DLG2: variants seen among roughly 807,000 people sequenced by gnomAD.
DLG2 encodes discs large MAGUK scaffold protein 2.
Under a neutral mutation model 132.5 loss-of-function variants are expected in DLG2, and 45 were observed. The observed-to-expected ratio is 0.34, with a 90% CI of 0.27 to 0.44. The LOEUF is 0.44. Ranked by LOEUF, DLG2 falls within the 20% of genes least tolerant of loss-of-function variation. The probability of loss-of-function intolerance (pLI) is 1.00; values close to 1 mark genes in which losing one functional copy is unlikely to be tolerated. For synonymous variants in DLG2, 424 were observed against 419.6 expected, an observed-to-expected ratio of 1.01 and a Z score of -0.13; for missense variants, 1,045 against 1,196.9, an observed-to-expected ratio of 0.87 and a Z score of 1.87.
intron 6 of DLG2, among the ~76,000 whole-genome samples, chr11:84,860,151 C>T (rs2083418503): frequency 6.6e-6 from 1 of 152,114 alleles, no homozygotes; most frequent in African/African-American, 2.4e-5. Flanking sequence ...AAATTTCAAC[C>T]TCTTCGACTT....
At chr11:85,070,526 T>C (rs1459410763) in intron 6 of DLG2, among the ~76,000 whole-genome samples, 2 of 151,732 alleles carry the variant, frequency 1.3e-5, no homozygotes, top group African/African-American at 2.4e-5. Context: ...CAATGCACAA[T>C]ATATTCATGT....
At chr11:83,833,481 C>T (rs2055182033) in intron 17 of DLG2, 133 bp downstream of exon 17, 1 of 919,106 alleles carries the variant, frequency 1.1e-6, no homozygotes, top group Non-Finnish European at 1.6e-6. Context: ...TTGTGACATG[C>T]ACCAGAAGTC....
chr11:83,667,320 G>C (rs1157647818), intron 18 of DLG2, among the ~76,000 whole-genome samples: 2 of 152,128 alleles, frequency 1.3e-5, no homozygotes, highest in Non-Finnish European at 2.9e-5. Context: ...GCTTATTATA[G>C]CTGTCTAAGG....
intron 10 of DLG2, among the ~76,000 whole-genome samples, chr11:84,094,792 A>G (rs962359413): frequency 2.0e-5 from 3 of 152,206 alleles, no homozygotes; most frequent in Admixed American, 6.5e-5. Flanking sequence ...CAACAGATGA[A>G]TTTTGGGAGG....
chr11:84,108,800 G>A (rs1402276379), intron 9 of DLG2, among the ~76,000 whole-genome samples: 1 of 152,062 alleles, frequency 6.6e-6, no homozygotes, highest in Non-Finnish European at 1.5e-5. Context: ...GAGGCAAGTT[G>A]CTGTAGTCCA....
intron 14 of DLG2, among the ~76,000 whole-genome samples, chr11:83,944,337 A>C (rs2083323483): frequency 1.3e-5 from 2 of 152,234 alleles, no homozygotes; most frequent in South Asian, 4.1e-4. Flanking sequence ...GTAAGTAAAT[A>C]AATAAATAAG....
chr11:84,074,897 T>C (rs1438154592), intron 10 of DLG2, among the ~76,000 whole-genome samples: 1 of 152,168 alleles, frequency 6.6e-6, no homozygotes, highest in Admixed American at 6.5e-5. Flanking sequence ...TACGAGCTCT[T>C]CCTATGTAAT....
Position 83,916,792 on chromosome 11 carries a change from G to C in DLG2, c.1496+13536C>G, listed in dbSNP as rs115555986. Reference sequence around the variant, plus strand: ...CCGGTCTTGCTCTATGATAGGCCATGTTTCTTAACATGAAACATTATGGTA... The same window carrying C: ...CCGGTCTTGCTCTATGATAGGCCATCTTTCTTAACATGAAACATTATGGTA... On this transcript the variant is annotated intron_variant, in intron 15 of 27. Transcript: ENST00000376104. Among the ~76,000 whole-genome samples the C allele has an allele frequency of 4.2e-3, 638 of 152,244 alleles. 5 individuals are homozygous for C. Among genetic ancestry groups the C allele is most frequent in the African/African-American group, 0.015 (610 of 41,550 alleles).
chr11:84,835,473 G>C (rs1222920772), intron 6 of DLG2, among the ~76,000 whole-genome samples: 1 of 151,596 alleles, frequency 6.6e-6, no homozygotes, highest in Non-Finnish European at 1.5e-5. Context: ...AATTTATATA[G>C]TGCATATGAA....
chr11:84,415,652 G>A (rs751992662), intron 7 of DLG2, among the ~76,000 whole-genome samples: 2 of 152,136 alleles, frequency 1.3e-5, no homozygotes, highest in Non-Finnish European at 2.9e-5. Flanking sequence ...CAGCGCCAGT[G>A]AAACACATGG....
chr11:84,894,986 T>G (rs1667487851), intron 6 of DLG2, among the ~76,000 whole-genome samples: 1 of 152,144 alleles, frequency 6.6e-6, no homozygotes, highest in African/African-American at 2.4e-5. Context: ...GAATCCCTAG[T>G]ACAAACTGGA....
intron 8 of DLG2, among the ~76,000 whole-genome samples, chr11:84,177,929 A>G (rs2096013835): frequency 6.6e-6 from 1 of 152,138 alleles, no homozygotes; most frequent in African/African-American, 2.4e-5. Flanking sequence ...AAAACTGGGC[A>G]GAAATTGCCA....
chr11:83,971,379 C>G (rs1413439925), intron 12 of DLG2, among the ~76,000 whole-genome samples: 1 of 152,084 alleles, frequency 6.6e-6, no homozygotes, highest in Non-Finnish European at 1.5e-5. Context: ...GAACATGATG[C>G]AGACAAAGGA....
At chr11:84,280,217 T>C (rs764506785) in intron 7 of DLG2, among the ~76,000 whole-genome samples, 13 of 152,138 alleles carry the variant, frequency 8.5e-5, no homozygotes, top group Non-Finnish European at 1.9e-4. Flanking sequence ...TGTCTCTATA[T>C]ACTAGCAATA....
intron 6 of DLG2, among the ~76,000 whole-genome samples, chr11:84,677,735 T>A (rs938517994): frequency 3.3e-5 from 5 of 151,992 alleles, no homozygotes; most frequent in Admixed American, 2.0e-4. Flanking sequence ...ATAATAATAA[T>A]AATAAAAATT....
chr11:84,969,621 A>G (rs1406358208), intron 6 of DLG2, among the ~76,000 whole-genome samples: 3 of 152,164 alleles, frequency 2.0e-5, no homozygotes, highest in African/African-American at 7.2e-5. Flanking sequence ...TCTTTGAGAG[A>G]CTAGAAAAAT....
chr11:83,763,611 A>G (rs1021849823), intron 18 of DLG2, among the ~76,000 whole-genome samples: 1 of 152,234 alleles, frequency 6.6e-6, no homozygotes, highest in Admixed American at 6.5e-5. Flanking sequence ...TATTTCATCA[A>G]TTGTAAAAGG....
intron 18 of DLG2, among the ~76,000 whole-genome samples, chr11:83,694,014 T>A (rs1253211134): frequency 1.3e-5 from 2 of 152,232 alleles, no homozygotes; most frequent in Non-Finnish European, 2.9e-5. Context: ...GTGTTTACTG[T>A]GAAGCCCTCT....
In DLG2 at chr11:84,094,929, G is replaced by C. The variant is rs78414351; in HGVS notation, c.749+3994C>G. 3.3e-5 allele frequency among the ~76,000 whole-genome samples: 5 copies of C among 152,138 alleles called. No individual in the cohort carries two copies. The East Asian group carries it at 7.7e-4, about 23-fold the overall frequency. ...AAAGAAAACTGTGTTTAATTTATAG[G>C]GGTTTTTTTTAAGCAAAGGAAACAT... On this transcript the variant is annotated intron_variant, in intron 10 of 27. Coordinates refer to ENST00000376104, the MANE Select transcript of DLG2 (RefSeq NM_001142699.3).
Sources: allele counts gnomAD v4.1 joint callset (sites outside exome capture counted in the v4.1 genomes callset), GRCh38; gene constraint gnomAD v4.1.1; transcripts MANE v1.5; gene names NCBI Gene and HGNC (gene_info 2026-07-23, HGNC 2026-07-21).